HS3ST4: variants seen among roughly 807,000 people sequenced by gnomAD.
HS3ST4 encodes heparan sulfate glucosamine 3-O-sulfotransferase 4.
Under a neutral mutation model 29.2 loss-of-function variants are expected in HS3ST4, and 17 were observed. The ratio of observed to expected loss-of-function variants is 0.58; its 90% CI spans 0.40 to 0.87. The LOEUF is 0.87. Ranked by LOEUF, HS3ST4 falls within the 40% of genes least tolerant of loss-of-function variation. The probability of loss-of-function intolerance (pLI) is 0.00; values close to 1 mark genes in which losing one functional copy is unlikely to be tolerated. For synonymous variants in HS3ST4, 314 were observed against 285.7 expected, an observed-to-expected ratio of 1.10 and a Z score of -1.00; for missense variants, 627 against 634.5, an observed-to-expected ratio of 0.99 and a Z score of 0.13.
chr16:26,122,220 C>T (rs140769211), intron 1 of HS3ST4, among the ~76,000 whole-genome samples: 1,546 of 150,800 alleles, frequency 0.01, 13 homozygotes, highest in South Asian at 0.025. Context: ...CACATGCACA[C>T]GCATACACAC....
intron 1 of HS3ST4, among the ~76,000 whole-genome samples, chr16:25,786,262 T>A (rs368743287): frequency 6.6e-6 from 1 of 152,056 alleles, no homozygotes; most frequent in East Asian, 1.9e-4. Flanking sequence ...AATGGTTGGG[T>A]GGTTAAGAAC....
chr16:25,839,988 T>C (rs1967397019), intron 1 of HS3ST4, among the ~76,000 whole-genome samples: 1 of 152,198 alleles, frequency 6.6e-6, no homozygotes, highest in African/African-American at 2.4e-5. Context: ...TCATGAAATA[T>C]TTGTATTAGA....
intron 1 of HS3ST4, among the ~76,000 whole-genome samples, chr16:25,893,522 C>T (rs1968030929): frequency 6.6e-6 from 1 of 152,136 alleles, no homozygotes; most frequent in African/African-American, 2.4e-5. Flanking sequence ...GAGATGGATA[C>T]CATTGGTCAG....
chr16:25,808,326 G>A (rs1271111998), intron 1 of HS3ST4, among the ~76,000 whole-genome samples: 1 of 152,176 alleles, frequency 6.6e-6, no homozygotes, highest in Non-Finnish European at 1.5e-5. Flanking sequence ...GTTTAAGTCT[G>A]TGTTTGTATT....
At chr16:26,028,254 C>G (rs1340123320) in intron 1 of HS3ST4, among the ~76,000 whole-genome samples, 1 of 109,030 alleles carries the variant, frequency 9.2e-6, no homozygotes. Context: ...GCCTGGGTGA[C>G]AGAGTGAGAC....
At chr16:25,993,249 G>A (rs1462543044) in intron 1 of HS3ST4, among the ~76,000 whole-genome samples, 1 of 152,152 alleles carries the variant, frequency 6.6e-6, no homozygotes, top group Non-Finnish European at 1.5e-5. Context: ...CCCAGAGCTG[G>A]GGATGAGGTG....
At chr16:25,726,360 T>C (rs1450938980) in intron 1 of HS3ST4, among the ~76,000 whole-genome samples, 1 of 151,742 alleles carries the variant, frequency 6.6e-6, no homozygotes, top group East Asian at 1.9e-4. Context: ...ATGTATTTAC[T>C]TGATGTTATA....
chr16:25,692,775 GC>G lies in HS3ST4; in HGVS notation c.363del (p.Thr123ProfsTer27). The G allele has an allele frequency of 4.5e-6, 6 of 1,341,934 alleles. No individual in the cohort carries two copies. Among genetic ancestry groups the G allele is most frequent in the Admixed American group, 3.9e-5 (1 of 25,662 alleles). The allele number at this position is 1,341,934 out of a possible 1,614,324, so 83.1% of individuals were successfully genotyped here. On this transcript the variant is annotated frameshift_variant, in exon 1 of 2. Transcript: ENST00000331351. LOFTEE classifies it high-confidence loss of function. ...GCCCGAGCCCCCAGAGCAGCCAGCC[GC>G]CCCCGGGACCGACGGCTGGGGGCTG... ...EPPEPPEQPA[A>X]PGTDGWGLPS...
chr16:25,957,969 C>A (rs1300864494), intron 1 of HS3ST4, among the ~76,000 whole-genome samples: 2 of 152,226 alleles, frequency 1.3e-5, no homozygotes. Context: ...TCACACTACT[C>A]TCCAGCCAGG....
At chr16:25,922,947 A>C (rs1346295474) in intron 1 of HS3ST4, among the ~76,000 whole-genome samples, 1 of 152,206 alleles carries the variant, frequency 6.6e-6, no homozygotes, top group Non-Finnish European at 1.5e-5. Flanking sequence ...GCCATTGGTC[A>C]GTTTTCCTCT....
At chr16:25,930,783 TGAG>T (rs1968454800) in intron 1 of HS3ST4, among the ~76,000 whole-genome samples, 3 of 152,172 alleles carry the variant, frequency 2.0e-5, no homozygotes, top group African/African-American at 7.2e-5. Context: ...CCCAGCAGAA[TGAG>T]ATGACTTCTT....
At chr16:25,795,728 G>A (rs1966882748) in intron 1 of HS3ST4, among the ~76,000 whole-genome samples, 1 of 152,160 alleles carries the variant, frequency 6.6e-6, no homozygotes, top group Non-Finnish European at 1.5e-5. Flanking sequence ...GCAGGCAGCA[G>A]GGGAACAGGC....
At chr16:26,045,916 T>G (rs1898259388) in intron 1 of HS3ST4, among the ~76,000 whole-genome samples, 1 of 152,226 alleles carries the variant, frequency 6.6e-6, no homozygotes, top group Admixed American at 6.5e-5. Flanking sequence ...CAACCATTTA[T>G]TCATTTCAGT....
At chr16:25,767,294 G>A (rs1966826651) in intron 1 of HS3ST4, among the ~76,000 whole-genome samples, 1 of 152,134 alleles carries the variant, frequency 6.6e-6, no homozygotes, top group African/African-American at 2.4e-5. Flanking sequence ...GTGTTCTTGA[G>A]GAGTTTCCTC....
chr16:25,937,752 T>TG (rs1162499031), intron 1 of HS3ST4, among the ~76,000 whole-genome samples: 9 of 152,206 alleles, frequency 5.9e-5, no homozygotes, highest in Non-Finnish European at 1.0e-4. Flanking sequence ...GTGCAAGTGT[T>TG]TTCAGAATGT....
intron 1 of HS3ST4, among the ~76,000 whole-genome samples, chr16:25,811,413 T>A (rs1276944141): frequency 6.8e-6 from 1 of 146,636 alleles, no homozygotes; most frequent in Non-Finnish European, 1.5e-5. Context: ...TTAATAACAT[T>A]TTCTTCTTCT....
At chr16:25,957,002 A>G (rs1239153145) in intron 1 of HS3ST4, among the ~76,000 whole-genome samples, 1 of 151,446 alleles carries the variant, frequency 6.6e-6, no homozygotes, top group Non-Finnish European at 1.5e-5. Context: ...CGTCTCAAAA[A>G]AAAAAAAAAA....
At chr16:26,128,794 C>T (rs1022367408) in intron 1 of HS3ST4, among the ~76,000 whole-genome samples, 1 of 152,144 alleles carries the variant, frequency 6.6e-6, no homozygotes, top group Admixed American at 6.5e-5. Flanking sequence ...CGTGAAATTG[C>T]CCTGCTCAGT....
chr16:25,952,429 C>T (rs1168005440), intron 1 of HS3ST4, among the ~76,000 whole-genome samples: 1 of 152,170 alleles, frequency 6.6e-6, no homozygotes. Context: ...GTAGGCAACT[C>T]CATCAGGGGG....
Sources: allele counts gnomAD v4.1 joint callset (sites outside exome capture counted in the v4.1 genomes callset), GRCh38; gene constraint gnomAD v4.1.1; transcripts MANE v1.5; gene names NCBI Gene and HGNC (gene_info 2026-07-23, HGNC 2026-07-21).